Variants in RBFOX2 observed in about 807,000 individuals in gnomAD.
The protein encoded by RBFOX2 is RNA binding fox-1 homolog 2.
In RBFOX2, 10 loss-of-function variants were observed where a neutral mutation model predicts 49.1. The observed-to-expected ratio is 0.20, with a 90% CI of 0.13 to 0.35. RBFOX2 has a LOEUF of 0.35. Ranked by LOEUF, RBFOX2 falls within the 10% of genes least tolerant of loss-of-function variation. RBFOX2 has a pLI of 1.00. For synonymous variants in RBFOX2, 183 were observed against 187.4 expected, an observed-to-expected ratio of 0.98 and a Z score of 0.19; for missense variants, 323 against 486.9, an observed-to-expected ratio of 0.66 and a Z score of 3.17.
chr22:35,907,948 A>G (rs1433850074), intron 1 of RBFOX2, among the ~76,000 whole-genome samples: 5 of 152,178 alleles, frequency 3.3e-5, no homozygotes, highest in African/African-American at 1.2e-4. Flanking sequence ...TGCTCTACCC[A>G]AAATTCAATT....
intron 9 of RBFOX2, chr22:35,748,571 A>G (rs1194531803): frequency 6.6e-6 from 1 of 152,188 alleles, no homozygotes; most frequent in African/African-American, 2.4e-5. Context: ...TTTTCATTAT[A>G]ACTAGAGATG....
At chr22:35,855,536 G>T (rs926521217) in intron 1 of RBFOX2, among the ~76,000 whole-genome samples, 2 of 152,048 alleles carry the variant, frequency 1.3e-5, no homozygotes, top group African/African-American at 4.8e-5. Flanking sequence ...CTCCCAAGTA[G>T]ATGGAACTAC....
chr22:35,985,994 G>C (rs562996476), intron 1 of RBFOX2, among the ~76,000 whole-genome samples: 3 of 152,200 alleles, frequency 2.0e-5, no homozygotes, highest in African/African-American at 7.2e-5. Flanking sequence ...AACCCTTGTT[G>C]CTCAGAAAGA....
chr22:35,801,237 TCTAA>T (rs1446374380), intron 2 of RBFOX2, among the ~76,000 whole-genome samples: 2 of 152,176 alleles, frequency 1.3e-5, no homozygotes, highest in East Asian at 1.9e-4. Flanking sequence ...ACGCTTCCTG[TCTAA>T]CTTTTAGATT....
At chr22:36,016,235 T>C (rs6000062) in intron 1 of RBFOX2, among the ~76,000 whole-genome samples, 4,248 of 152,132 alleles carry the variant, frequency 0.028, 198 homozygotes, top group African/African-American at 0.098. Context: ...GAAAGAAATT[T>C]CTATGAGCCT....
Position 35,873,320 on chromosome 22 carries a change from C to T in RBFOX2, c.-33-63316G>A, listed in dbSNP as rs1015934751. ...CTGATTTTTGCATTTTTTGTAGAAA[C>T]GGGGTCTCGTCATGTTGGCCAGGCT... On this transcript the variant is annotated intron_variant, in intron 1 of 13. Coordinates refer to the RBFOX2 transcript ENST00000359369. Among the ~76,000 whole-genome samples, 8 of 151,256 alleles carry T rather than the reference C, an allele frequency of 5.3e-5. No homozygotes were observed. In the East Asian group the frequency reaches 9.9e-4, roughly 19 times the overall value.
chr22:35,804,984 C>T (rs1950440385), intron 2 of RBFOX2, among the ~76,000 whole-genome samples: 1 of 151,800 alleles, frequency 6.6e-6, no homozygotes, highest in Admixed American at 6.6e-5. Context: ...AAACAAACAA[C>T]CTGATTAAAA....
rs9610360 is a variant in RBFOX2 at position 35,849,298 on chromosome 22, A to C, written c.-33-39294T>G. Among the ~76,000 whole-genome samples the C allele has an allele frequency of 1.3e-3, 178 of 133,314 alleles. 1 individual carries two copies. Among genetic ancestry groups the C allele is most frequent in the African/African-American group, 3.9e-3 (137 of 35,138 alleles). 87.5% of individuals were successfully genotyped at this position (133,314 alleles called of 152,430 possible). Reference sequence around the variant, plus strand: ...ACACACACACACACATACACACACAAACACACACACACACACACACACACA... The same window carrying C: ...ACACACACACACACATACACACACACACACACACACACACACACACACACA... On this transcript the variant is annotated intron_variant, in intron 1 of 13. Transcript: ENST00000359369.
At chr22:36,023,426 T>C (rs937058158) in intron 1 of RBFOX2, among the ~76,000 whole-genome samples, 4 of 152,196 alleles carry the variant, frequency 2.6e-5, no homozygotes, top group Non-Finnish European at 5.9e-5. Context: ...ACACAAAGAA[T>C]TCTGCTGAAA....
chr22:35,887,968 C>A (rs1278298864), intron 1 of RBFOX2, among the ~76,000 whole-genome samples: 1 of 152,134 alleles, frequency 6.6e-6, no homozygotes, highest in African/African-American at 2.4e-5. Flanking sequence ...TGATGTACCA[C>A]TTTTTCACTA....
intron 1 of RBFOX2, among the ~76,000 whole-genome samples, chr22:35,894,398 A>G (rs955393054): frequency 6.6e-6 from 1 of 152,200 alleles, no homozygotes; most frequent in Non-Finnish European, 1.5e-5. Flanking sequence ...CTAATTAATA[A>G]TCATGCCGCC....
At chr22:35,946,542 G>A (rs1203440759) in intron 1 of RBFOX2, among the ~76,000 whole-genome samples, 1 of 152,140 alleles carries the variant, frequency 6.6e-6, no homozygotes, top group Admixed American at 6.6e-5. Context: ...TAACATATAG[G>A]AGAAGCTCAA....
chr22:35,778,799 G>A (rs916820381), intron 3 of RBFOX2, among the ~76,000 whole-genome samples: 2 of 152,100 alleles, frequency 1.3e-5, no homozygotes, highest in Admixed American at 1.3e-4. Flanking sequence ...ACCACGTCCA[G>A]CTAATTTTTG....
chr22:35,824,846 T>G (rs531077297), intron 1 of RBFOX2, among the ~76,000 whole-genome samples: 17 of 152,372 alleles, frequency 1.1e-4, no homozygotes, highest in African/African-American at 3.4e-4. Flanking sequence ...TTTCTTCTCT[T>G]TACTTATAGT....
intron 1 of RBFOX2, among the ~76,000 whole-genome samples, chr22:35,829,927 T>A (rs192462044): frequency 1.3e-5 from 2 of 152,190 alleles, no homozygotes; most frequent in Admixed American, 1.3e-4. Context: ...ACACCCAGGC[T>A]TCCACTTTCA....
At chr22:35,996,394 A>C (rs892713170) in intron 1 of RBFOX2, 1 of 152,214 alleles carries the variant, frequency 6.6e-6, no homozygotes, top group Non-Finnish European at 1.5e-5. Flanking sequence ...TGGTTGGGTC[A>C]CTTGAAGCCA....
chr22:35,907,112 T>C (rs1180189240), intron 1 of RBFOX2, among the ~76,000 whole-genome samples: 1 of 152,218 alleles, frequency 6.6e-6, no homozygotes, highest in African/African-American at 2.4e-5. Flanking sequence ...TGGGTCACTC[T>C]GATAGGCCCT....
chr22:35,825,049 G>GTC (rs1955357023), intron 1 of RBFOX2, among the ~76,000 whole-genome samples: 1 of 152,098 alleles, frequency 6.6e-6, no homozygotes, highest in Non-Finnish European at 1.5e-5. Context: ...GCAAAACCCC[G>GTC]TCTCTACTAA....
chr22:35,890,249 C>T (rs1005662331), intron 1 of RBFOX2, among the ~76,000 whole-genome samples: 1 of 152,116 alleles, frequency 6.6e-6, no homozygotes, highest in Non-Finnish European at 1.5e-5. Flanking sequence ...CATTTCTCTA[C>T]TCTAGCCTTG....
Sources: allele counts gnomAD v4.1 joint callset (sites outside exome capture counted in the v4.1 genomes callset), GRCh38; gene constraint gnomAD v4.1.1; transcripts MANE v1.5; gene names NCBI Gene and HGNC (gene_info 2026-07-23, HGNC 2026-07-21).